THSD4: variants seen among roughly 807,000 people sequenced by gnomAD.
The protein encoded by THSD4 is thrombospondin type-1 domain-containing protein 4.
A neutral mutation model predicts 119.0 loss-of-function variants in THSD4; 69 were observed. The observed-to-expected ratio is 0.58, with a 90% CI of 0.48 to 0.71. The LOEUF (loss-of-function observed/expected upper bound fraction) is 0.71, where lower values mean the gene tolerates loss of function less well. Ranked by LOEUF, THSD4 falls within the 30% of genes least tolerant of loss-of-function variation. THSD4 has a pLI of 0.00. For synonymous variants in THSD4, 524 were observed against 540.4 expected (o/e 0.97, Z 0.42); for missense variants, 1,393 against 1,391.1 (o/e 1.00, Z -0.02).
Position 71,215,124 on chromosome 15 carries a change from G to A in THSD4, c.189G>A (p.Ser63=). The change falls in exon 4 of 18, where the codon TCG becomes TCA. Residue 63 remains serine, a synonymous_variant. Transcript: ENST00000261862. ...PGVWGAWGPW[S]ACSRSCSGGV... ...TGTGGGGCGCCTGGGGCCCCTGGTC[G>A]GCCTGCTCGCGTAGCTGCAGCGGCG... The A allele has an allele frequency of 1.5e-6, 2 of 1,362,522 alleles. No homozygotes were observed. The highest frequency in any genetic ancestry group is 1.8e-5 in the South Asian group (1 of 56,598). The allele number at this position is 1,362,522 out of a possible 1,614,324, so 84.4% of individuals were successfully genotyped here.
rs1018648035 is a variant in THSD4 at position 71,781,775 on chromosome 15, G to C, written c.*4401G>C. On this transcript the variant is annotated 3_prime_UTR_variant, in exon 18 of 18. Coordinates refer to ENST00000261862, the MANE Select transcript of THSD4 (RefSeq NM_024817.3). Reference sequence around the variant, plus strand: ...GGTGGAAGCAGAGGCCGTTTGCCAGGGATGCTGGAGAGGGGATTCAAGCAT... The same window carrying C: ...GGTGGAAGCAGAGGCCGTTTGCCAGCGATGCTGGAGAGGGGATTCAAGCAT... 6.6e-6 allele frequency: 1 copy of C among 152,382 alleles called. No individual in the cohort carries two copies. Among genetic ancestry groups the C allele is most frequent in the Non-Finnish European group, 1.5e-5 (1 of 68,200 alleles). 9.4% of individuals were successfully genotyped at this position (152,382 alleles called of 1,614,324 possible).
chr15:71,666,609 G>A (rs910333904), intron 8 of THSD4, among the ~76,000 whole-genome samples: 2 of 152,150 alleles, frequency 1.3e-5, no homozygotes, highest in Non-Finnish European at 2.9e-5. Flanking sequence ...ATTCCAAAAA[G>A]CTTTAGACGT....
chr15:71,699,376 C>T (rs112092808), intron 8 of THSD4, among the ~76,000 whole-genome samples: 1 of 63,688 alleles, frequency 1.6e-5, no homozygotes, highest in Admixed American at 1.4e-4. Context: ...CTACGCCCGG[C>T]TAATTTTTTT....
At position 71,737,984 on chromosome 15, in the gene THSD4, A is replaced by C; in HGVS notation, c.1883A>C (p.Glu628Ala). 13 of 1,613,740 alleles carry C rather than the reference A, an allele frequency of 8.1e-6. No homozygotes were observed. The highest frequency in any genetic ancestry group is 1.1e-5 in the Non-Finnish European group (13 of 1,179,750). ...AACTGGAAGCAGCTTGGGACAACAG[A>C]ATGTTCCACGACCTGTGGGAAAGGT... is the stretch of plus-strand genomic sequence containing the variant. Reference protein sequence around the residue: ...DHNWKQLGTTECSTTCGKGSQ... With the variant: ...DHNWKQLGTTACSTTCGKGSQ... Residue 628 changes from glutamate (E) to alanine (A), a missense_variant, in exon 11 of 18, where the codon GAA becomes GCA. Glu to Ala is a moderately radical substitution (Grantham distance 107, BLOSUM62 -1). Transcript: ENST00000261862.
chr15:71,584,262 C>CTTTTTTTTTTTTTTTTTTTTTTT, intron 7 of THSD4, among the ~76,000 whole-genome samples: 1 of 61,802 alleles, frequency 1.6e-5, no homozygotes, highest in Non-Finnish European at 2.7e-5. Context: ...TTTTCACTTT[C>CTTTTTTTTTTTTTTTTTTTTTTT]TTTTTTTTTT....
At chr15:71,421,700 T>C (rs1217418821) in intron 7 of THSD4, among the ~76,000 whole-genome samples, 1 of 152,224 alleles carries the variant, frequency 6.6e-6, no homozygotes, top group Non-Finnish European at 1.5e-5. Flanking sequence ...TACTTAAATA[T>C]TGATATTTTT....
intron 7 of THSD4, among the ~76,000 whole-genome samples, chr15:71,486,606 T>C (rs1043403142): frequency 1.0e-5 from 1 of 95,516 alleles, no homozygotes. Context: ...CCAAGTTTCT[T>C]TTCTGTTTTT....
chr15:71,701,504 C>G (rs558156134), intron 8 of THSD4, among the ~76,000 whole-genome samples: 5 of 152,006 alleles, frequency 3.3e-5, no homozygotes, highest in Non-Finnish European at 7.4e-5. Context: ...CCATTGCAGC[C>G]AGTTTTATAA....
At chr15:71,146,554 G>A (rs912549372) in intron 2 of THSD4, among the ~76,000 whole-genome samples, 1 of 150,412 alleles carries the variant, frequency 6.6e-6, no homozygotes, top group Non-Finnish European at 1.5e-5. Context: ...TCTTGTGCTT[G>A]CTTTCATGGG....
intron 4 of THSD4, among the ~76,000 whole-genome samples, chr15:71,221,958 T>C (rs980686197): frequency 1.3e-5 from 2 of 152,334 alleles, no homozygotes; most frequent in Non-Finnish European, 2.9e-5. Context: ...TGGGGTGGTA[T>C]CTCATTGTAG....
chr15:71,773,038 A>G (rs1278453812), intron 17 of THSD4, among the ~76,000 whole-genome samples: 2 of 151,878 alleles, frequency 1.3e-5, no homozygotes, highest in Non-Finnish European at 2.9e-5. Flanking sequence ...ATCTTGGCAA[A>G]AAACGCTTAA....
intron 10 of THSD4, 35 bp downstream of exon 10, chr15:71,731,252 T>A (rs779662900): frequency 5.7e-6 from 9 of 1,591,094 alleles, no homozygotes; most frequent in Admixed American, 1.7e-5. Context: ...GGGACTCTGG[T>A]CATTTCCTTG....
At chr15:71,343,715 ATT>A (rs35533590) in intron 6 of THSD4, among the ~76,000 whole-genome samples, 9 of 134,756 alleles carry the variant, frequency 6.7e-5, no homozygotes, top group African/African-American at 8.3e-5. Flanking sequence ...TCATCTCAGG[ATT>A]TTTTTTTTTT....
intron 7 of THSD4, among the ~76,000 whole-genome samples, chr15:71,638,351 A>C (rs2050790825): frequency 6.6e-6 from 1 of 152,226 alleles, no homozygotes; most frequent in Non-Finnish European, 1.5e-5. Context: ...TGTGTGACAC[A>C]TAAAAATTGT....
intron 7 of THSD4, among the ~76,000 whole-genome samples, chr15:71,425,657 G>C (rs192471675): frequency 2.6e-5 from 4 of 152,344 alleles, no homozygotes; most frequent in East Asian, 3.9e-4. Flanking sequence ...TCAGTCTGGA[G>C]TGCCTTGCTG....
At chr15:71,528,072 C>G (rs2048553150) in intron 7 of THSD4, among the ~76,000 whole-genome samples, 1 of 152,056 alleles carries the variant, frequency 6.6e-6, no homozygotes, top group Non-Finnish European at 1.5e-5. Flanking sequence ...AAGAAAATTG[C>G]CTTAAGTAAG....
chr15:71,372,446 G>A (rs1010043068), intron 6 of THSD4, among the ~76,000 whole-genome samples: 2 of 152,214 alleles, frequency 1.3e-5, no homozygotes, highest in Admixed American at 6.5e-5. Context: ...GTGACGTACA[G>A]ATGGGGTTTT....
At chr15:71,117,549 CATTCTTTTGTG>C (rs2040373715) in intron 1 of THSD4, among the ~76,000 whole-genome samples, 1 of 152,188 alleles carries the variant, frequency 6.6e-6, no homozygotes, top group South Asian at 2.1e-4. Flanking sequence ...ATCTCTTCCA[CATTCTTTTGTG>C]ATATCTGAGG....
chr15:71,352,239 G>T (rs187578193), intron 6 of THSD4, among the ~76,000 whole-genome samples: 2 of 152,150 alleles, frequency 1.3e-5, no homozygotes, highest in East Asian at 3.8e-4. Context: ...TTCCAGGACC[G>T]TCACTTCTGG....
Sources: allele counts gnomAD v4.1 joint callset (sites outside exome capture counted in the v4.1 genomes callset), GRCh38; gene constraint gnomAD v4.1.1; transcripts MANE v1.5; gene names NCBI Gene and HGNC (gene_info 2026-07-23, HGNC 2026-07-21).